The following GRM5 variants were observed in gnomAD, a reference collection of about 807,000 sequenced individuals.
GRM5 encodes the protein glutamate metabotropic receptor 5, also known as metabotropic glutamate receptor 5.
In GRM5, 19 loss-of-function variants were observed where a neutral mutation model predicts 83.1. That is an observed-to-expected ratio of 0.23 (90% CI 0.16 to 0.34). The LOEUF is 0.34. GRM5 is among the 10% of genes least tolerant of loss of function. The probability of loss-of-function intolerance (pLI) is 1.00; values close to 1 mark genes in which losing one functional copy is unlikely to be tolerated. For missense variants in GRM5, 1,160 were observed against 1,588.3 expected, an observed-to-expected ratio of 0.73 and a Z score of 4.58; for synonymous variants, 675 against 633.6, an observed-to-expected ratio of 1.07 and a Z score of -0.98.
intron 2 of GRM5, among the ~76,000 whole-genome samples, chr11:89,043,571 TTA>T (rs987848895): frequency 1.3e-4 from 18 of 137,022 alleles, no homozygotes; most frequent in African/African-American, 5.7e-4. Context: ...TTAATGCATG[TTA>T]TTTTTTTTTT....
intron 8 of GRM5, among the ~76,000 whole-genome samples, chr11:88,554,547 AT>A (rs2135151763): frequency 6.6e-6 from 1 of 152,134 alleles, no homozygotes; most frequent in Non-Finnish European, 1.5e-5. Flanking sequence ...TTTTTGTTTA[AT>A]TTAGCTTTTG....
intron 4 of GRM5, among the ~76,000 whole-genome samples, chr11:88,605,602 A>G (rs112554128): frequency 1.3e-5 from 2 of 152,320 alleles, no homozygotes; most frequent in African/African-American, 4.8e-5. Context: ...AGAAAAAAAG[A>G]TGATTTGAAC....
At chr11:89,031,035 A>G (rs1941250638) in intron 2 of GRM5, among the ~76,000 whole-genome samples, 2 of 152,024 alleles carry the variant, frequency 1.3e-5, no homozygotes, top group South Asian at 4.1e-4. Context: ...TTTACCTTAG[A>G]GTTGAGGTCT....
At chr11:88,997,351 G>C (rs1213589921) in intron 2 of GRM5, among the ~76,000 whole-genome samples, 1 of 109,804 alleles carries the variant, frequency 9.1e-6, no homozygotes, top group African/African-American at 3.6e-5. Flanking sequence ...AAAAAAAAAA[G>C]AATGAAAGAA....
chr11:88,766,823 G>T (rs1452128298), intron 3 of GRM5, among the ~76,000 whole-genome samples: 3 of 151,806 alleles, frequency 2.0e-5, no homozygotes, highest in Middle Eastern at 3.4e-3. Flanking sequence ...TCTAATATCC[G>T]GTATCTACAA....
chr11:88,714,454 G>C (rs1421872690), intron 3 of GRM5, among the ~76,000 whole-genome samples: 3 of 151,950 alleles, frequency 2.0e-5, no homozygotes, highest in Non-Finnish European at 4.4e-5. Context: ...AAAAATGGGG[G>C]AAAATTATTG....
At chr11:88,760,039 A>T (rs1942479088) in intron 3 of GRM5, among the ~76,000 whole-genome samples, 1 of 152,164 alleles carries the variant, frequency 6.6e-6, no homozygotes. Flanking sequence ...GGGAACAAAG[A>T]TGCAACATAC....
At chr11:88,844,854 C>T (rs771752164) in intron 3 of GRM5, among the ~76,000 whole-genome samples, 33 of 152,098 alleles carry the variant, frequency 2.2e-4, no homozygotes, top group Non-Finnish European at 3.5e-4. Context: ...AAAGTGAGTT[C>T]AAAGATGGGA....
intron 7 of GRM5, among the ~76,000 whole-genome samples, chr11:88,577,222 T>C (rs931301464): frequency 6.6e-6 from 1 of 152,128 alleles, no homozygotes; most frequent in African/African-American, 2.4e-5. Flanking sequence ...TACCTCCTTT[T>C]TCTCTTTCCA....
intron 2 of GRM5, among the ~76,000 whole-genome samples, chr11:88,852,053 G>A (rs980719577): frequency 6.6e-6 from 1 of 152,140 alleles, no homozygotes; most frequent in African/African-American, 2.4e-5. Flanking sequence ...TTAAGGCAGA[G>A]GCATTTGCAT....
intron 3 of GRM5, among the ~76,000 whole-genome samples, chr11:88,798,064 T>C (rs1448063270): frequency 6.6e-6 from 1 of 152,160 alleles, no homozygotes; most frequent in Non-Finnish European, 1.5e-5. Context: ...TCCTGTCTGC[T>C]CTTTCTCCTT....
intron 9 of GRM5, chr11:88,522,892 G>A (rs1250393990): frequency 6.6e-6 from 1 of 152,116 alleles, no homozygotes; most frequent in African/African-American, 2.4e-5. Flanking sequence ...CGGTTGTAGA[G>A]AAACTCAGAC....
chr11:88,631,367 A>G (rs1938966070), intron 4 of GRM5, among the ~76,000 whole-genome samples: 1 of 152,154 alleles, frequency 6.6e-6, no homozygotes, highest in African/African-American at 2.4e-5. Flanking sequence ...CCTAGCCTAG[A>G]TATTATTGGG....
chr11:88,700,595 T>C (rs1941008926), intron 3 of GRM5, among the ~76,000 whole-genome samples: 1 of 152,114 alleles, frequency 6.6e-6, no homozygotes, highest in Non-Finnish European at 1.5e-5. Flanking sequence ...GTATTTTCCA[T>C]GTGAAGATTT....
At chr11:88,946,454 T>C (rs1460458316) in intron 2 of GRM5, among the ~76,000 whole-genome samples, 2 of 152,108 alleles carry the variant, frequency 1.3e-5, no homozygotes, top group Admixed American at 1.3e-4. Context: ...TGCATCACTA[T>C]TCACACTAGC....
At position 89,011,975 on chromosome 11, in the gene GRM5, G is replaced by A. The variant is rs1196263838; in HGVS notation, c.661+35237C>T. ...GACCTCAAATTACCTTGATTCCAAA[G>A]CTAGTTCCATTAACTATCAAGTTAC... On this transcript the variant is annotated intron_variant, in intron 2 of 9. Coordinates refer to ENST00000305447, the MANE Select transcript of GRM5 (RefSeq NM_001143831.3). Among the ~76,000 whole-genome samples the A allele has an allele frequency of 2.0e-5, 3 of 152,236 alleles. No homozygotes were observed. In the East Asian group the frequency reaches 5.8e-4, roughly 29 times the overall value.
chr11:88,537,179 G>T (rs889132508), intron 8 of GRM5, among the ~76,000 whole-genome samples: 3 of 152,142 alleles, frequency 2.0e-5, no homozygotes, highest in African/African-American at 7.2e-5. Flanking sequence ...GAAGTTAATA[G>T]TGTATACTTA....
intron 3 of GRM5, among the ~76,000 whole-genome samples, chr11:88,730,383 G>A (rs941304763): frequency 1.7e-4 from 26 of 152,038 alleles, no homozygotes; most frequent in African/African-American, 6.0e-4. Context: ...TGCTGGAGAG[G>A]GTGTGGAGAA....
chr11:88,788,634 T>C (rs1178373384), intron 3 of GRM5, among the ~76,000 whole-genome samples: 1 of 152,158 alleles, frequency 6.6e-6, no homozygotes, highest in Non-Finnish European at 1.5e-5. Flanking sequence ...ACTAAAAATA[T>C]GTTAAAATAT....
Sources: allele counts gnomAD v4.1 joint callset (sites outside exome capture counted in the v4.1 genomes callset), GRCh38; gene constraint gnomAD v4.1.1; transcripts MANE v1.5; gene names NCBI Gene and HGNC (gene_info 2026-07-23, HGNC 2026-07-21).